The following DCLK2 variants were observed in gnomAD, a reference collection of about 807,000 sequenced individuals.
The protein encoded by DCLK2 is doublecortin like kinase 2.
In DCLK2, 31 loss-of-function variants were observed where a neutral mutation model predicts 78.4. The observed-to-expected ratio is 0.40, with a 90% CI of 0.30 to 0.53. The LOEUF (loss-of-function observed/expected upper bound fraction) is 0.53. Among genes scored for constraint, DCLK2 ranks in the 20% least tolerant of loss-of-function variants. The probability of loss-of-function intolerance (pLI) is 0.61; values close to 1 mark genes in which losing one functional copy is unlikely to be tolerated. For synonymous variants in DCLK2, 407 were observed against 374.9 expected, an observed-to-expected ratio of 1.09 and a Z score of -0.99; for missense variants, 872 against 973.7, an observed-to-expected ratio of 0.90 and a Z score of 1.39.
intron 2 of DCLK2, among the ~76,000 whole-genome samples, chr4:150,135,165 T>TACAC (rs57866267): frequency 0.16 from 23,188 of 146,794 alleles, 2,152 homozygotes; most frequent in Non-Finnish European, 0.23. Context: ...CATACACGTG[T>TACAC]ACACACACAC....
intron 2 of DCLK2, among the ~76,000 whole-genome samples, chr4:150,139,686 C>T (rs80239736): frequency 0.013 from 2,019 of 152,304 alleles, 43 homozygotes; most frequent in African/African-American, 0.044. Context: ...GGTTCTCCTT[C>T]CAAAGCTAAT....
intron 2 of DCLK2, among the ~76,000 whole-genome samples, chr4:150,149,814 A>G (rs1734762701): frequency 6.6e-6 from 1 of 152,210 alleles, no homozygotes; most frequent in Admixed American, 6.5e-5. Flanking sequence ...GAGATTCTGT[A>G]AGGTTGATTG....
chr4:150,202,751 G>A (rs1580709266), intron 4 of DCLK2, among the ~76,000 whole-genome samples: 1 of 151,934 alleles, frequency 6.6e-6, no homozygotes, highest in East Asian at 1.9e-4. Flanking sequence ...ATCTACTTTG[G>A]GCAAAAACTT....
intron 1 of DCLK2, among the ~76,000 whole-genome samples, chr4:150,098,895 C>T (rs537860436): frequency 6.6e-6 from 1 of 152,064 alleles, no homozygotes; most frequent in African/African-American, 2.4e-5. Context: ...GGAGTTTCAC[C>T]GTGTTGGCCA....
intron 1 of DCLK2, among the ~76,000 whole-genome samples, chr4:150,092,176 G>A (rs1730129031): frequency 6.6e-6 from 1 of 152,010 alleles, no homozygotes; most frequent in Non-Finnish European, 1.5e-5. Flanking sequence ...CTCATTGTAT[G>A]TATATACCAC....
At chr4:150,150,058 G>A (rs1230131013) in intron 2 of DCLK2, among the ~76,000 whole-genome samples, 1 of 151,988 alleles carries the variant, frequency 6.6e-6, no homozygotes, top group East Asian at 1.9e-4. Flanking sequence ...AAAAATGGAG[G>A]TTATTTTCCC....
At chr4:150,114,232 G>C (rs1390616806) in intron 2 of DCLK2, among the ~76,000 whole-genome samples, 1 of 152,102 alleles carries the variant, frequency 6.6e-6, no homozygotes, top group African/African-American at 2.4e-5. Flanking sequence ...TTATTGAATA[G>C]AATGTTCTGT....
intron 2 of DCLK2, among the ~76,000 whole-genome samples, chr4:150,166,759 T>C (rs930656610): frequency 6.5e-5 from 4 of 61,292 alleles, no homozygotes. Flanking sequence ...GTTCATGCAA[T>C]CTTTGTGCAC....
At chr4:150,137,938 A>G (rs1216316714) in intron 2 of DCLK2, among the ~76,000 whole-genome samples, 1 of 152,232 alleles carries the variant, frequency 6.6e-6, no homozygotes, top group African/African-American at 2.4e-5. Context: ...CCATCTAGTC[A>G]GAAAGTTGCA....
chr4:150,175,086 A>ATT, intron 2 of DCLK2, among the ~76,000 whole-genome samples: 1 of 37,992 alleles, frequency 2.6e-5, no homozygotes, highest in African/African-American at 1.4e-4. Flanking sequence ...ATATATTTAT[A>ATT]TATATATTTA....
chr4:150,102,388 C>T, intron 1 of DCLK2, 90 bp from the exon 2 acceptor site: 2 of 1,273,832 alleles, frequency 1.6e-6, no homozygotes, highest in Non-Finnish European at 2.2e-6. Flanking sequence ...GTTAAGGGTT[C>T]ACTTAATGGG....
intron 15 of DCLK2, among the ~76,000 whole-genome samples, chr4:150,253,054 G>A (rs1277803290): frequency 1.3e-5 from 2 of 152,044 alleles, no homozygotes; most frequent in Non-Finnish European, 2.9e-5. Context: ...GGGGGAACTT[G>A]CGATGCTGCT....
At chr4:150,243,564 C>G (rs1580787115) in intron 12 of DCLK2, among the ~76,000 whole-genome samples, 2 of 152,162 alleles carry the variant, frequency 1.3e-5, no homozygotes, top group African/African-American at 4.8e-5. Flanking sequence ...CAAATAGTCT[C>G]TTTGTTTTAT....
intron 2 of DCLK2, among the ~76,000 whole-genome samples, chr4:150,183,678 A>C (rs184241082): frequency 4.6e-5 from 7 of 151,992 alleles, no homozygotes; most frequent in Non-Finnish European, 5.9e-5. Context: ...CCCTCTAGAG[A>C]GGGCTACCTG....
chr4:150,169,344 C>A (rs1736333388), intron 2 of DCLK2, among the ~76,000 whole-genome samples: 1 of 152,196 alleles, frequency 6.6e-6, no homozygotes, highest in Non-Finnish European at 1.5e-5. Flanking sequence ...ATTCGTACAT[C>A]AGGCAGCCTT....
At chr4:150,095,228 C>G (rs1057377232) in intron 1 of DCLK2, among the ~76,000 whole-genome samples, 4 of 152,172 alleles carry the variant, frequency 2.6e-5, no homozygotes, top group Non-Finnish European at 5.9e-5. Flanking sequence ...CTGAGAAGCT[C>G]TCCCTGTGTC....
chr4:150,129,866 A>AT (rs1277716046), intron 2 of DCLK2, among the ~76,000 whole-genome samples: 4 of 151,966 alleles, frequency 2.6e-5, no homozygotes, highest in Non-Finnish European at 5.9e-5. Context: ...GGAAAAGGAA[A>AT]TTTTTTTGAA....
At chr4:150,228,151 A>G (rs891752714) in intron 8 of DCLK2, among the ~76,000 whole-genome samples, 1 of 148,286 alleles carries the variant, frequency 6.7e-6, no homozygotes. Flanking sequence ...GTGGCATTTA[A>G]CCCTCTCCCC....
chr4:150,138,728 A>G (rs1379020405), intron 2 of DCLK2, among the ~76,000 whole-genome samples: 1 of 152,036 alleles, frequency 6.6e-6, no homozygotes, highest in Non-Finnish European at 1.5e-5. Flanking sequence ...GTGCAGTGGC[A>G]CGATCTCAGC....
Sources: gnomAD v4.1 joint callset for allele counts (sites outside exome capture counted in the v4.1 genomes callset) on GRCh38, gnomAD v4.1.1 for gene constraint, MANE v1.5 for transcripts, NCBI Gene and HGNC (gene_info 2026-07-23, HGNC 2026-07-21) for gene names.